CDK8: variants seen among roughly 807,000 people sequenced by gnomAD.
CDK8 encodes cyclin-dependent kinase 8.
CDK8 carries 29 observed loss-of-function variants against 71.5 expected under a neutral mutation model. The ratio of observed to expected loss-of-function variants is 0.41; its 90% CI spans 0.30 to 0.55. The LOEUF (loss-of-function observed/expected upper bound fraction) is 0.55, where lower values mean the gene tolerates loss of function less well. Ranked by LOEUF, CDK8 falls within the 20% of genes least tolerant of loss-of-function variation. The pLI, the probability that CDK8 is intolerant of heterozygous loss-of-function variation, is 0.37. For missense variants in CDK8, 288 were observed against 572.6 expected (o/e 0.50, Z 5.07); for synonymous variants, 161 against 192.1 (o/e 0.84, Z 1.34).
chr13:26,339,781 A>G (rs1291918735), intron 2 of CDK8, among the ~76,000 whole-genome samples: 1 of 136,258 alleles, frequency 7.3e-6, no homozygotes, highest in Non-Finnish European at 1.6e-5. Flanking sequence ...ATAGTGTAGT[A>G]TATATCCTGA....
intron 1 of CDK8, among the ~76,000 whole-genome samples, chr13:26,294,432 TAGCC>T (rs961772728): frequency 6.6e-5 from 10 of 152,344 alleles, no homozygotes; most frequent in Middle Eastern, 6.8e-3. Flanking sequence ...ATATCCTATA[TAGCC>T]AGTAGTAGGA....
chr13:26,402,423 T>C (rs773114194), intron 12 of CDK8, among the ~76,000 whole-genome samples: 2 of 152,064 alleles, frequency 1.3e-5, no homozygotes, highest in Admixed American at 6.6e-5. Flanking sequence ...AAGGGTTCAG[T>C]GTGGGAAGGA....
At position 26,337,643 on chromosome 13, in the gene CDK8, G is replaced by A. The variant is rs2137973626; in HGVS notation, c.204+1G>A. On this transcript the variant is annotated splice_donor_variant, in intron 2 of 12. Coordinates refer to ENST00000381527, the MANE Select transcript of CDK8 (RefSeq NM_001260.3). LOFTEE classifies it high-confidence loss of function. Reference sequence around the variant, plus strand: ...TATGTCGGCATGTAGAGAAATAGCAGTAAGTGAAGTTCTTTTTATCATCGT... The same window carrying A: ...TATGTCGGCATGTAGAGAAATAGCAATAAGTGAAGTTCTTTTTATCATCGT... 7.2e-7 allele frequency: 1 copy of A among 1,397,806 alleles called. No homozygotes were observed. The highest frequency in any genetic ancestry group is 9.5e-7 in the Non-Finnish European group (1 of 1,057,556). The allele number at this position is 1,397,806 out of a possible 1,614,324, so 86.6% of individuals were successfully genotyped here.
chr13:26,345,219 A>G (rs1026178666), intron 2 of CDK8, among the ~76,000 whole-genome samples: 17 of 152,168 alleles, frequency 1.1e-4, no homozygotes, highest in Non-Finnish European at 2.9e-5. Context: ...GTAGGGCTTC[A>G]GCATAGGAAT....
chr13:26,380,062 T>G (rs1875142635), intron 4 of CDK8, among the ~76,000 whole-genome samples: 1 of 152,326 alleles, frequency 6.6e-6, no homozygotes, highest in African/African-American at 2.4e-5. Flanking sequence ...AGCAGTGGGA[T>G]GCAGGGGAAG....
chr13:26,369,137 G>A (rs1828637481), intron 4 of CDK8, among the ~76,000 whole-genome samples: 1 of 151,932 alleles, frequency 6.6e-6, no homozygotes, highest in African/African-American at 2.4e-5. Flanking sequence ...TTCCTTGAAA[G>A]TTAGTAAAAG....
intron 12 of CDK8, among the ~76,000 whole-genome samples, chr13:26,402,730 T>C (rs989142394): frequency 5.3e-5 from 8 of 152,220 alleles, no homozygotes; most frequent in African/African-American, 1.9e-4. Flanking sequence ...GCATCTCTCT[T>C]GGCCCACAAA....
At chr13:26,261,089 A>G (rs374012431) in intron 1 of CDK8, among the ~76,000 whole-genome samples, 3 of 152,220 alleles carry the variant, frequency 2.0e-5, no homozygotes, top group East Asian at 1.9e-4. Context: ...TATCACCTCA[A>G]GGCAGCTCTT....
At chr13:26,332,619 T>G (rs550934812) in intron 1 of CDK8, among the ~76,000 whole-genome samples, 1 of 152,310 alleles carries the variant, frequency 6.6e-6, no homozygotes, top group East Asian at 1.9e-4. Context: ...CTATGTTGAA[T>G]AAGAGTGGTG....
At chr13:26,310,773 C>G (rs1318083047) in intron 1 of CDK8, among the ~76,000 whole-genome samples, 1 of 152,154 alleles carries the variant, frequency 6.6e-6, no homozygotes, top group Non-Finnish European at 1.5e-5. Flanking sequence ...GGTTGTGGAC[C>G]TCTGCTCTAC....
intron 1 of CDK8, among the ~76,000 whole-genome samples, chr13:26,282,586 C>T (rs929050069): frequency 3.3e-5 from 5 of 152,140 alleles, no homozygotes; most frequent in African/African-American, 4.8e-5. Context: ...TGAAGCAAAA[C>T]CTTGAAATAC....
At chr13:26,338,215 C>T (rs1873073269) in intron 2 of CDK8, among the ~76,000 whole-genome samples, 1 of 151,978 alleles carries the variant, frequency 6.6e-6, no homozygotes, top group African/African-American at 2.4e-5. Flanking sequence ...GATTTTTCTT[C>T]AGTTTTTACT....
At chr13:26,382,585 G>T (rs1369463426) in intron 4 of CDK8, among the ~76,000 whole-genome samples, 1 of 152,304 alleles carries the variant, frequency 6.6e-6, no homozygotes. Flanking sequence ...GCCAAGAAAA[G>T]CCTCAGCCTT....
At chr13:26,360,684 A>G (rs1054423635) in intron 4 of CDK8, among the ~76,000 whole-genome samples, 4 of 152,244 alleles carry the variant, frequency 2.6e-5, no homozygotes, top group South Asian at 2.1e-4. Flanking sequence ...ATTTGTGTAT[A>G]CAATATTGCA....
chr13:26,362,219 GATA>G (rs1342785456), intron 4 of CDK8, among the ~76,000 whole-genome samples: 1 of 120,646 alleles, frequency 8.3e-6, no homozygotes, highest in Non-Finnish European at 1.7e-5. Context: ...GATGATAGAT[GATA>G]GATGGATGGA....
intron 5 of CDK8, among the ~76,000 whole-genome samples, chr13:26,383,117 A>C (rs1268166734): frequency 6.6e-6 from 1 of 152,234 alleles, no homozygotes; most frequent in East Asian, 1.9e-4. Context: ...CTCTGCTTTC[A>C]TTAAAAATGG....
intron 4 of CDK8, among the ~76,000 whole-genome samples, chr13:26,357,654 T>C (rs1873949865): frequency 6.6e-6 from 1 of 152,170 alleles, no homozygotes; most frequent in African/African-American, 2.4e-5. Context: ...TGTTTATACA[T>C]AGATGGAGAG....
intron 1 of CDK8, among the ~76,000 whole-genome samples, chr13:26,271,789 A>T (rs1266201241): frequency 7.7e-6 from 1 of 129,804 alleles, no homozygotes; most frequent in African/African-American, 3.1e-5. Flanking sequence ...GGCCTGGGGG[A>T]CAGAGTGAGA....
chr13:26,301,518 G>A (rs965592906), intron 1 of CDK8, among the ~76,000 whole-genome samples: 1 of 152,166 alleles, frequency 6.6e-6, no homozygotes, highest in East Asian at 1.9e-4. Flanking sequence ...GTATGTGGGG[G>A]ATGTCTGAGC....
Sources: gnomAD v4.1 joint callset for allele counts (sites outside exome capture counted in the v4.1 genomes callset) on GRCh38, gnomAD v4.1.1 for gene constraint, MANE v1.5 for transcripts, NCBI Gene and HGNC (gene_info 2026-07-23, HGNC 2026-07-21) for gene names.